Variants in MTM1 observed in about 807,000 individuals in gnomAD.
MTM1 encodes myotubularin 1.
A neutral mutation model predicts 52.1 loss-of-function variants in MTM1; 9 were observed. That is an observed-to-expected ratio of 0.17 (90% confidence interval 0.10 to 0.30). The LOEUF is 0.30. MTM1 is among the 10% of genes least tolerant of loss of function. The probability of loss-of-function intolerance (pLI) is 1.00; values close to 1 mark genes in which losing one functional copy is unlikely to be tolerated. For synonymous variants in MTM1, 136 were observed against 163.8 expected, an observed-to-expected ratio of 0.83 and a Z score of 1.29; for missense variants, 277 against 470.7, an observed-to-expected ratio of 0.59 and a Z score of 3.81.
intron 1 of MTM1, among the ~76,000 whole-genome samples, chrX:150,585,456 A>G (rs1557412210): frequency 8.9e-6 from 1 of 112,449 alleles, no homozygotes; most frequent in East Asian, 2.8e-4. Flanking sequence ...CTTTGTTACT[A>G]TCATAGTTAT....
chrX:150,653,632 C>T (rs2040064646), intron 10 of MTM1, among the ~76,000 whole-genome samples: 1 of 112,042 alleles, frequency 8.9e-6, no homozygotes, highest in Non-Finnish European at 1.9e-5. Context: ...GAAATGGTGT[C>T]ACCATTCAAT....
intron 6 of MTM1, among the ~76,000 whole-genome samples, chrX:150,635,782 C>T (rs181948741): frequency 4.5e-5 from 5 of 112,172 alleles, no homozygotes; most frequent in African/African-American, 1.6e-4. Context: ...CTGCTCACTT[C>T]AATTGAGCCA....
At chrX:150,613,136 T>TAA (rs782155099) in intron 4 of MTM1, among the ~76,000 whole-genome samples, 2 of 90,460 alleles carry the variant, frequency 2.2e-5, no homozygotes, top group African/African-American at 8.0e-5. Context: ...ACTTATCTCT[T>TAA]AAAAAAAAAA....
At chrX:150,616,455 A>G (rs1407415917) in intron 5 of MTM1, among the ~76,000 whole-genome samples, 1 of 111,887 alleles carries the variant, frequency 8.9e-6, no homozygotes, top group Non-Finnish European at 1.9e-5. Context: ...GTCAATAACC[A>G]TGATACAACC....
intron 2 of MTM1, 144 bp downstream of exon 2, chrX:150,592,821 A>G: frequency 2.5e-6 from 1 of 398,601 alleles, no homozygotes; most frequent in Non-Finnish European, 4.3e-6. Flanking sequence ...TGGTTTCTTT[A>G]TTGTCTCACC....
intron 1 of MTM1, among the ~76,000 whole-genome samples, chrX:150,586,854 C>T (rs1300377445): frequency 2.9e-5 from 3 of 102,922 alleles, no homozygotes; most frequent in Admixed American, 1.1e-4. Context: ...GCAGAGGTTA[C>T]GGTGAGCTGA....
At position 150,672,244 on chromosome X, in the gene MTM1, ACAGGGCC is replaced by A. The variant is rs1214879058; in HGVS notation, c.*653_*659del. The A allele has an allele frequency of 8.9e-6, 1 of 112,119 alleles. No individual in the cohort carries two copies. Among genetic ancestry groups the A allele is most frequent in the Non-Finnish European group, 1.9e-5 (1 of 53,260 alleles). 9.2% of individuals were successfully genotyped at this position (112,119 alleles called of 1,213,427 possible). A position where few individuals can be genotyped will look rare whatever the true frequency, so the allele number is the denominator to read the frequency against. On this transcript the variant is annotated 3_prime_UTR_variant, in exon 15 of 15. Transcript: ENST00000370396. ...CTATTTTTATATTTTTAAAAAACTG[ACAGGGCC>A]CAGTTAAATATGATTTGCATTTTTT... is the stretch of plus-strand genomic sequence containing the variant.
intron 1 of MTM1, among the ~76,000 whole-genome samples, chrX:150,586,953 G>A (rs1160008321): frequency 9.2e-6 from 1 of 108,656 alleles, no homozygotes; most frequent in Non-Finnish European, 1.9e-5. Context: ...CTGGTAGGAG[G>A]AAGGGAACTG....
chrX:150,579,017 CTCTATCTA>C (rs59889586), intron 1 of MTM1, among the ~76,000 whole-genome samples: 1,212 of 98,168 alleles, frequency 0.012, 9 homozygotes, highest in Middle Eastern at 0.046. Context: ...ATCTATATAT[CTCTATCTA>C]TCTATCTATC....
intron 1 of MTM1, among the ~76,000 whole-genome samples, chrX:150,585,714 T>TA (rs1328513892): frequency 8.9e-6 from 1 of 112,239 alleles, no homozygotes; most frequent in Non-Finnish European, 1.9e-5. Context: ...ATTTGACTGT[T>TA]AAAAAATCCA....
At chrX:150,667,700 A>C (rs1302956789) in intron 14 of MTM1, among the ~76,000 whole-genome samples, 1 of 112,322 alleles carries the variant, frequency 8.9e-6, no homozygotes, top group African/African-American at 3.2e-5. Context: ...CCACACACTA[A>C]AAGTCACAGT....
intron 4 of MTM1, among the ~76,000 whole-genome samples, chrX:150,611,447 C>G (rs1172521042): frequency 2.7e-5 from 3 of 112,035 alleles, no homozygotes; most frequent in Non-Finnish European, 5.6e-5. Context: ...AGAGCTTGTA[C>G]TATTTTCTCT....
chrX:150,566,932 C>T (rs1286843006), upstream of MTM1, among the ~76,000 whole-genome samples: 2 of 111,783 alleles, frequency 1.8e-5, no homozygotes, highest in Non-Finnish European at 3.8e-5. Context: ...CTTTGAAATT[C>T]AGCACAAAAG....
rs34042424 is a variant in MTM1 at position 150,631,667 on chromosome X, C to CAAA, written c.445-7253_445-7251dup. On this transcript the variant is annotated intron_variant, in intron 6 of 14. Transcript: ENST00000370396. Reference sequence around the variant, plus strand: ...GACAGAATGAGTGAGACTCCATCTCCAAAAAAAAAAAAAAAAAAAAAAAAA... The same window carrying CAAA: ...GACAGAATGAGTGAGACTCCATCTCCAAAAAAAAAAAAAAAAAAAAAAAAAAAA... Among the ~76,000 whole-genome samples the CAAA allele has an allele frequency of 2.7e-3, 97 of 35,390 alleles. 1 individual carries two copies. The highest frequency in any genetic ancestry group is 9.8e-3 in the East Asian group (10 of 1,023). 30.7% of individuals were successfully genotyped at this position (35,390 alleles called of 115,157 possible). A position where few individuals can be genotyped will look rare whatever the true frequency, so the allele number is the denominator to read the frequency against.
At chrX:150,595,638 C>T (rs1340561599) in intron 2 of MTM1, among the ~76,000 whole-genome samples, 1 of 112,232 alleles carries the variant, frequency 8.9e-6, no homozygotes, top group Admixed American at 9.4e-5. Flanking sequence ...TAGTGATGTG[C>T]CTCAAATGTC....
At chrX:150,625,524 A>G (rs149776998) in intron 6 of MTM1, among the ~76,000 whole-genome samples, 19 of 112,274 alleles carry the variant, frequency 1.7e-4, no homozygotes, top group African/African-American at 6.1e-4. Context: ...AAGTCAGAGC[A>G]TAATATCCAG....
chrX:150,580,761 C>CT (rs1557411852), intron 1 of MTM1, among the ~76,000 whole-genome samples: 1 of 111,512 alleles, frequency 9.0e-6, no homozygotes, highest in African/African-American at 3.3e-5. Context: ...TCCCAGGATC[C>CT]TAATTAAGCC....
intron 1 of MTM1, among the ~76,000 whole-genome samples, chrX:150,585,700 A>T (rs2038774106): frequency 8.9e-6 from 1 of 112,069 alleles, no homozygotes; most frequent in Admixed American, 9.5e-5. Flanking sequence ...GTTTACTGGC[A>T]GGTATTTGAC....
chrX:150,615,008 C>G (rs1382582925), intron 5 of MTM1, among the ~76,000 whole-genome samples: 4 of 111,378 alleles, frequency 3.6e-5, no homozygotes, highest in Non-Finnish European at 5.7e-5. Context: ...CAGCTTGCTC[C>G]TGGCGCCCCT....
Sources: gnomAD v4.1 joint callset for allele counts (sites outside exome capture counted in the v4.1 genomes callset) on GRCh38, gnomAD v4.1.1 for gene constraint, MANE v1.5 for transcripts, NCBI Gene and HGNC (gene_info 2026-07-23, HGNC 2026-07-21) for gene names.